Variants in AGTR1 observed in about 807,000 individuals in gnomAD.
AGTR1 encodes the protein type-1 angiotensin II receptor.
Under a neutral mutation model 19.4 loss-of-function variants are expected in AGTR1, and 16 were observed. The observed-to-expected ratio is 0.82, with a 90% CI of 0.56 to 1.25. The LOEUF is 1.25. Ranked by LOEUF, AGTR1 falls within the 50% of genes most tolerant of loss-of-function variation. AGTR1 has a pLI of 0.00. For synonymous variants in AGTR1, 153 were observed against 154.9 expected (o/e 0.99, Z 0.09); for missense variants, 373 against 431.9 (o/e 0.86, Z 1.21).
chr3:148,698,868 A>T (rs1712146338), intron 1 of AGTR1, among the ~76,000 whole-genome samples: 2 of 152,206 alleles, frequency 1.3e-5, no homozygotes, highest in Non-Finnish European at 2.9e-5. Flanking sequence ...CCACTGCCCG[A>T]CACCCAACTC....
At chr3:148,730,362 G>A (rs1187633631) in intron 2 of AGTR1, 1 of 389,318 alleles carries the variant, frequency 2.6e-6, no homozygotes, top group East Asian at 3.6e-5. Context: ...TTCCTGAGAA[G>A]GTATGAAGGT....
chr3:148,719,902 G>A (rs1492097), intron 2 of AGTR1, among the ~76,000 whole-genome samples: 48,237 of 151,916 alleles, frequency 0.32, 10,415 homozygotes, highest in African/African-American at 0.62. Flanking sequence ...TTTCTTCTTT[G>A]TTTGCTCTTT....
At chr3:148,699,355 C>T (rs1172708920) in intron 1 of AGTR1, among the ~76,000 whole-genome samples, 2 of 152,086 alleles carry the variant, frequency 1.3e-5, no homozygotes, top group Non-Finnish European at 2.9e-5. Flanking sequence ...ATGCTTTAAC[C>T]CCCTTATAAG....
At chr3:148,731,204 A>C (rs1714235503) in intron 2 of AGTR1, 1 of 152,214 alleles carries the variant, frequency 6.6e-6, no homozygotes, top group Non-Finnish European at 1.5e-5. Context: ...TGAACTAAAG[A>C]ACCAGAAAAT....
In AGTR1 at chr3:148,738,948, C is replaced by T. The variant is rs12695920; in HGVS notation, c.-47-2041C>T. Reference sequence around the variant, plus strand: ...TTATCATCTGCCTCCTGGAACATACCAGGGCCTACACCAGAAAACAAGGAA... The same window carrying T: ...TTATCATCTGCCTCCTGGAACATACTAGGGCCTACACCAGAAAACAAGGAA... On this transcript the variant is annotated intron_variant, in intron 2 of 2. Transcript: ENST00000349243. Among the ~76,000 whole-genome samples the T allele has an allele frequency of 4.9e-3, 748 of 152,278 alleles. 8 individuals carry two copies. Among genetic ancestry groups the T allele is most frequent in the African/African-American group, 0.017 (699 of 41,554 alleles).
intron 1 of AGTR1, among the ~76,000 whole-genome samples, chr3:148,705,320 T>C (rs1268176069): frequency 6.6e-6 from 1 of 152,218 alleles, no homozygotes. Context: ...TCCTTCACAC[T>C]TACAATTTCA....
intron 2 of AGTR1, among the ~76,000 whole-genome samples, chr3:148,719,894 TC>T (rs1713528356): frequency 1.3e-5 from 2 of 152,252 alleles, no homozygotes; most frequent in Non-Finnish European, 2.9e-5. Context: ...TTTACTCATT[TC>T]TTCTTTGTTT....
chr3:148,714,457 G>A (rs4681442), intron 2 of AGTR1, among the ~76,000 whole-genome samples: 43,947 of 151,974 alleles, frequency 0.29, 9,425 homozygotes, highest in African/African-American at 0.61. Flanking sequence ...GTGCTGGCAT[G>A]GTCAAGGCAC....
chr3:148,732,765 G>T (rs1714343911), intron 2 of AGTR1, among the ~76,000 whole-genome samples: 1 of 129,468 alleles, frequency 7.7e-6, no homozygotes, highest in African/African-American at 3.1e-5. Context: ...TTTTGAGACG[G>T]AGTCTCGCTC....
At chr3:148,701,976 C>T (rs1712373355) in intron 1 of AGTR1, among the ~76,000 whole-genome samples, 1 of 138,598 alleles carries the variant, frequency 7.2e-6, no homozygotes, top group Non-Finnish European at 1.5e-5. Context: ...TGATTGTGTA[C>T]CTTTTTTTTT....
intron 2 of AGTR1, among the ~76,000 whole-genome samples, chr3:148,721,637 G>C (rs1470436706): frequency 6.6e-6 from 1 of 152,126 alleles, no homozygotes; most frequent in Non-Finnish European, 1.5e-5. Flanking sequence ...ATACAGGGAT[G>C]GTACACCCAG....
At chr3:148,735,556 C>G (rs992019001) in intron 2 of AGTR1, among the ~76,000 whole-genome samples, 5 of 152,104 alleles carry the variant, frequency 3.3e-5, no homozygotes, top group Admixed American at 6.6e-5. Flanking sequence ...TGGGTAGGGG[C>G]TCTTAACAGA....
At chr3:148,737,146 CA>C (rs1196541860) in intron 2 of AGTR1, among the ~76,000 whole-genome samples, 1 of 152,178 alleles carries the variant, frequency 6.6e-6, no homozygotes, top group Non-Finnish European at 1.5e-5. Flanking sequence ...TTATCAGTAG[CA>C]GAAGTGCAGA....
intron 2 of AGTR1, chr3:148,739,952 A>T (rs1029667785): frequency 6.5e-6 from 8 of 1,231,832 alleles, no homozygotes; most frequent in Non-Finnish European, 8.1e-6. Context: ...GCTGTACCAC[A>T]TTCGGTGATG....
intron 2 of AGTR1, among the ~76,000 whole-genome samples, chr3:148,724,724 T>C (rs1713833189): frequency 6.6e-6 from 1 of 152,208 alleles, no homozygotes; most frequent in South Asian, 2.1e-4. Context: ...GAGAACATAC[T>C]AGTTTCTGAT....
intron 1 of AGTR1, among the ~76,000 whole-genome samples, chr3:148,699,214 A>G (rs1712176155): frequency 6.6e-6 from 1 of 152,090 alleles, no homozygotes; most frequent in Admixed American, 6.6e-5. Flanking sequence ...TTGGCACCCT[A>G]TTGATCTATT....
At chr3:148,701,639 G>T (rs1240414748) in intron 1 of AGTR1, among the ~76,000 whole-genome samples, 1 of 152,076 alleles carries the variant, frequency 6.6e-6, no homozygotes, top group Non-Finnish European at 1.5e-5. Context: ...CTATTACCAA[G>T]AATGTTTTTA....
intron 2 of AGTR1, among the ~76,000 whole-genome samples, chr3:148,739,360 G>GAAA (rs869112085): frequency 1.7e-5 from 2 of 114,890 alleles, no homozygotes; most frequent in African/African-American, 2.9e-5. Context: ...CTCTGTCTCA[G>GAAA]AAAAAAAAAA....
At chr3:148,712,385 C>T (rs1474719092) in intron 2 of AGTR1, among the ~76,000 whole-genome samples, 3 of 152,090 alleles carry the variant, frequency 2.0e-5, no homozygotes, top group African/African-American at 7.2e-5. Context: ...CAAGGTATTG[C>T]AAGTCCAAAA....
Sources: allele counts gnomAD v4.1 joint callset (sites outside exome capture counted in the v4.1 genomes callset), GRCh38; gene constraint gnomAD v4.1.1; transcripts MANE v1.5; gene names NCBI Gene and HGNC (gene_info 2026-07-23, HGNC 2026-07-21).